NTRK3: variants seen among roughly 807,000 people sequenced by gnomAD.
NTRK3 encodes the protein neurotrophic receptor tyrosine kinase 3.
NTRK3 carries 24 observed loss-of-function variants against 91.7 expected under a neutral mutation model. The observed-to-expected ratio is 0.26, with a 90% CI of 0.19 to 0.37. The LOEUF is 0.37. Among genes scored for constraint, NTRK3 ranks in the 10% least tolerant of loss-of-function variants. The probability of loss-of-function intolerance (pLI) is 1.00; values close to 1 mark genes in which losing one functional copy is unlikely to be tolerated. For synonymous variants in NTRK3, 483 were observed against 404.0 expected (o/e 1.20, Z -2.34); for missense variants, 880 against 1,068.9 (o/e 0.82, Z 2.46).
At chr15:88,055,014 T>G (rs2045559399) in intron 13 of NTRK3, among the ~76,000 whole-genome samples, 1 of 152,130 alleles carries the variant, frequency 6.6e-6, no homozygotes, top group Admixed American at 6.6e-5. Flanking sequence ...GTAGCTAACC[T>G]CAGAGCCCAA....
chr15:88,154,041 C>T (rs1159076399), intron 5 of NTRK3, among the ~76,000 whole-genome samples: 1 of 147,158 alleles, frequency 6.8e-6, no homozygotes, highest in African/African-American at 2.6e-5. Flanking sequence ...CTGTTCTAGA[C>T]CAGAACTAAT....
intron 14 of NTRK3, among the ~76,000 whole-genome samples, chr15:88,027,486 C>T (rs961647985): frequency 6.6e-6 from 1 of 152,186 alleles, no homozygotes; most frequent in Non-Finnish European, 1.5e-5. Flanking sequence ...GGGTTCATGA[C>T]ATTCTCCTGC....
intron 5 of NTRK3, among the ~76,000 whole-genome samples, chr15:88,149,137 ACC>A (rs1220234389): frequency 6.6e-6 from 1 of 152,156 alleles, no homozygotes; most frequent in Non-Finnish European, 1.5e-5. Flanking sequence ...GAGGGAGTCC[ACC>A]CAGTTCATAA....
chr15:88,041,660 G>C (rs563572350), intron 13 of NTRK3, among the ~76,000 whole-genome samples: 2 of 152,268 alleles, frequency 1.3e-5, no homozygotes, highest in South Asian at 4.1e-4. Flanking sequence ...ACCTGGCGCA[G>C]CCATGGTGAC....
chr15:87,925,811 A>G (rs942659078), intron 17 of NTRK3: 7 of 175,110 alleles, frequency 4.0e-5, no homozygotes, highest in Admixed American at 1.9e-4. Flanking sequence ...GAGCAGCTGC[A>G]TGATCCAGTT....
intron 13 of NTRK3, among the ~76,000 whole-genome samples, chr15:88,057,007 A>G (rs2045760726): frequency 6.6e-6 from 1 of 151,390 alleles, no homozygotes; most frequent in African/African-American, 2.4e-5. Context: ...CGTCTCTACT[A>G]AAAATACAAA....
At chr15:88,055,456 A>G (rs905734238) in intron 13 of NTRK3, among the ~76,000 whole-genome samples, 6 of 152,212 alleles carry the variant, frequency 3.9e-5, no homozygotes, top group Non-Finnish European at 5.9e-5. Context: ...TCCTGGAAAT[A>G]TGAAATATAT....
At chr15:88,042,868 A>T (rs1567280508) in intron 13 of NTRK3, among the ~76,000 whole-genome samples, 1 of 152,164 alleles carries the variant, frequency 6.6e-6, no homozygotes, top group Non-Finnish European at 1.5e-5. Context: ...TGGTAAACAG[A>T]TCCACGTCTA....
intron 18 of NTRK3, among the ~76,000 whole-genome samples, chr15:87,877,765 C>T (rs2141445477): frequency 6.6e-6 from 1 of 152,262 alleles, no homozygotes; most frequent in Middle Eastern, 3.4e-3. Context: ...TGATTCACCA[C>T]TGCCTTCTGG....
At chr15:87,885,775 A>T in intron 17 of NTRK3, 40 bp from the exon 18 acceptor site, 1 of 962,238 alleles carries the variant, frequency 1.0e-6, no homozygotes, top group Non-Finnish European at 1.4e-6. Flanking sequence ...ATTAGAAGAA[A>T]ACTTAGAAAA....
In NTRK3 at chr15:88,118,714, G is replaced by A. The variant is rs539182863; in HGVS notation, c.1396+7557C>T. ...ATTACTGTGAGAGCCAGCACTTTTG[G>A]GAAAGCCCGGTGACATCCACAGTAG... is the stretch of plus-strand genomic sequence containing the variant. On this transcript the variant is annotated intron_variant, in intron 13 of 18. Transcript: ENST00000394480. Among the ~76,000 whole-genome samples, 6 of 152,292 alleles carry A rather than the reference G, an allele frequency of 3.9e-5. No individual in the cohort carries two copies. The South Asian group carries it at 1.2e-3, about 32-fold the overall frequency.
chr15:88,032,876 G>T (rs770184627), exon 14 of NTRK3: 1 of 1,613,846 alleles, frequency 6.2e-7, no homozygotes, highest in Middle Eastern at 1.6e-4. Flanking sequence ...GCTTGTGGCA[G>T]TTGTGTCCCT....
chr15:88,066,040 A>G (rs2046622795), intron 13 of NTRK3, among the ~76,000 whole-genome samples: 1 of 152,260 alleles, frequency 6.6e-6, no homozygotes. Context: ...AATCATGTGT[A>G]GAAGGCAAAA....
intron 14 of NTRK3, among the ~76,000 whole-genome samples, chr15:87,970,839 G>T (rs147509284): frequency 0.012 from 1,870 of 152,262 alleles, 24 homozygotes; most frequent in Non-Finnish European, 0.016. Context: ...GCAAGTTGGG[G>T]ATTTCAAATT....
intron 6 of NTRK3, among the ~76,000 whole-genome samples, chr15:88,142,299 C>G (rs1297448452): frequency 2.0e-5 from 3 of 152,366 alleles, no homozygotes; most frequent in Non-Finnish European, 4.4e-5. Context: ...TGCAGGCAGT[C>G]GCATTAATAA....
At chr15:87,976,030 G>A (rs1380374372) in intron 14 of NTRK3, among the ~76,000 whole-genome samples, 1 of 151,932 alleles carries the variant, frequency 6.6e-6, no homozygotes, top group African/African-American at 2.4e-5. Context: ...TATTCTCAGG[G>A]GCCATCTTTA....
In NTRK3 at chr15:87,880,232, C is replaced by T. The variant is rs1560975; in HGVS notation, c.2292+38G>A. ...CTGGGCTGAGATAGCTCTTATGAGC[C>T]CTCCCCCAATCAAGATTCCTACGCA... On this transcript the variant is annotated intron_variant, in intron 18 of 18. Coordinates refer to ENST00000394480, the Ensembl canonical transcript of NTRK3. The T allele has an allele frequency of 0.58, 937,190 of 1,612,112 alleles. 280,717 individuals are homozygous for T. Among genetic ancestry groups the T allele is most frequent in the East Asian group, 0.62 (27,784 of 44,812 alleles).
intron 14 of NTRK3, among the ~76,000 whole-genome samples, chr15:87,996,250 T>C (rs1218667106): frequency 6.6e-6 from 1 of 151,776 alleles, no homozygotes; most frequent in African/African-American, 2.4e-5. Flanking sequence ...TCTCTAAAAA[T>C]AAAATAAAAT....
intron 14 of NTRK3, among the ~76,000 whole-genome samples, chr15:87,980,597 G>A (rs1376772583): frequency 2.6e-5 from 4 of 152,142 alleles, no homozygotes; most frequent in Non-Finnish European, 5.9e-5. Flanking sequence ...TCTTTTTATG[G>A]AAGCTATGCT....
Sources: allele counts gnomAD v4.1 joint callset (sites outside exome capture counted in the v4.1 genomes callset), GRCh38; gene constraint gnomAD v4.1.1; transcripts MANE v1.5; gene names NCBI Gene and HGNC (gene_info 2026-07-23, HGNC 2026-07-21).